The following GRIN2D variants were observed in gnomAD, a reference collection of about 807,000 sequenced individuals.
The protein encoded by GRIN2D is glutamate ionotropic receptor NMDA type subunit 2D, also known as glutamate receptor ionotropic, NMDA 2D.
In GRIN2D, 37 loss-of-function variants were observed where a neutral mutation model predicts 103.2. That is an observed-to-expected ratio of 0.36 (90% CI 0.28 to 0.47). GRIN2D has a LOEUF of 0.47. Ranked by LOEUF, GRIN2D falls within the 20% of genes least tolerant of loss-of-function variation. The pLI, the probability that GRIN2D is intolerant of heterozygous loss-of-function variation, is 1.00. For synonymous variants in GRIN2D, 845 were observed against 885.6 expected (o/e 0.95, Z 0.81); for missense variants, 1,557 against 1,910.6 (o/e 0.81, Z 3.45).
At position 48,441,975 on chromosome 19, in the gene GRIN2D, A is replaced by G; in HGVS notation, c.2440+19A>G. 6.3e-7 allele frequency: 1 copy of G among 1,593,302 alleles called. No homozygotes were observed. On this transcript the variant is annotated intron_variant, in intron 12 of 13. Coordinates refer to ENST00000263269, the MANE Select transcript of GRIN2D (RefSeq NM_000836.4). Reference sequence around the variant, plus strand: ...GGGGATGGTGCGGCTGCACACAGGGATTTCCACAGCGGAGAGGGGGAGGGC... The same window carrying G: ...GGGGATGGTGCGGCTGCACACAGGGGTTTCCACAGCGGAGAGGGGGAGGGC...
intron 11 of GRIN2D, among the ~76,000 whole-genome samples, chr19:48,441,037 T>C (rs1221847260): frequency 6.6e-6 from 1 of 152,060 alleles, no homozygotes; most frequent in Non-Finnish European, 1.5e-5. Flanking sequence ...TTTGGAGGGC[T>C]ATGGTGAGGA....
intron 3 of GRIN2D, among the ~76,000 whole-genome samples, chr19:48,403,962 A>T (rs1444087976): frequency 6.6e-6 from 1 of 152,190 alleles, no homozygotes; most frequent in Non-Finnish European, 1.5e-5. Flanking sequence ...AATCCAGGCC[A>T]GGCACAGTGG....
chr19:48,414,737 C>T lies in GRIN2D; in HGVS notation c.1413-127C>T, dbSNP rs759896624. ...AGGCAAACCTCAGAATTCTTTGAGC[C>T]TGAGTTTCCCCTGAAAGCGCTAACC... is the stretch of plus-strand genomic sequence containing the variant. On this transcript the variant is annotated intron_variant, in intron 6 of 13. Coordinates refer to ENST00000263269, the MANE Select transcript of GRIN2D (RefSeq NM_000836.4). The surrounding 1 kb of genome is among the most constrained non-coding windows in gnomAD (Gnocchi z 4.6). 4 of 1,298,844 alleles carry T rather than the reference C, an allele frequency of 3.1e-6. No individual in the cohort carries two copies. Among genetic ancestry groups the T allele is most frequent in the Non-Finnish European group, 4.3e-6 (4 of 935,932 alleles). 80.5% of individuals were successfully genotyped at this position (1,298,844 alleles called of 1,614,324 possible). A position where few individuals can be genotyped will look rare whatever the true frequency, so the allele number is the denominator to read the frequency against.
chr19:48,422,085 T>G, intron 11 of GRIN2D, 140 bp downstream of exon 11: 1 of 739,736 alleles, frequency 1.4e-6, no homozygotes, highest in Admixed American at 3.0e-5. Flanking sequence ...CGGAGGTCAC[T>G]GAGGGTGGAA....
chr19:48,443,900 G>A lies in GRIN2D; in HGVS notation c.3974G>A (p.Gly1325Asp), dbSNP rs1971345151. ...HRGGDLGTRR[G>D]SAHFSSLESE... ...GGCGGGGACCTGGGCACCCGCAGGGGCTCGGCGCACTTCTCTAGCCTCGAG... is the reference window on the plus strand; with the variant it reads ...GGCGGGGACCTGGGCACCCGCAGGGACTCGGCGCACTTCTCTAGCCTCGAG... The change falls in exon 14 of 14, where the codon GGC becomes GAC. Residue 1325 changes from glycine to aspartate, a missense_variant. Gly to Asp is a moderately conservative substitution (Grantham distance 94, BLOSUM62 -1). Around this residue, in one of 7 missense-constraint regions of GRIN2D, gnomAD observed 88 missense variants for 84.3 expected, o/e 1.04. Transcript: ENST00000263269. The surrounding 1 kb of genome is among the most constrained non-coding windows in gnomAD (Gnocchi z 8.9). 4.8e-6 allele frequency: 7 copies of A among 1,460,748 alleles called. No homozygotes were observed. In the African/African-American group the frequency reaches 1.0e-4, roughly 22 times the overall value. 90.5% of individuals were successfully genotyped at this position (1,460,748 alleles called of 1,614,324 possible).
At chr19:48,412,559 G>A (rs569771081) in intron 4 of GRIN2D, among the ~76,000 whole-genome samples, 15 of 150,712 alleles carry the variant, frequency 1.0e-4, no homozygotes, top group East Asian at 2.0e-4. Context: ...AGGCTGAGGC[G>A]GGCGGATCAC....
At chr19:48,400,868 C>T (rs1340602488) in intron 3 of GRIN2D, among the ~76,000 whole-genome samples, 1 of 152,124 alleles carries the variant, frequency 6.6e-6, no homozygotes, top group East Asian at 1.9e-4. Flanking sequence ...GAGTTTGAGG[C>T]CAGCCTGGCC....
intron 11 of GRIN2D, among the ~76,000 whole-genome samples, chr19:48,440,198 T>C (rs1971274826): frequency 6.7e-6 from 1 of 150,352 alleles, no homozygotes; most frequent in Non-Finnish European, 1.5e-5. Context: ...GGGACAAGAG[T>C]GAAACTCGGT....
At chr19:48,438,123 C>T (rs939509540) in intron 11 of GRIN2D, among the ~76,000 whole-genome samples, 7 of 152,014 alleles carry the variant, frequency 4.6e-5, no homozygotes, top group Non-Finnish European at 7.4e-5. Context: ...CACACACACA[C>T]GGCATTTATA....
Position 48,414,397 on chromosome 19 carries a change from C to A in GRIN2D, c.1225C>A (p.Leu409Ile). The change falls in exon 6 of 14, where the codon CTC becomes ATC. Residue 409 changes from leucine (L) to isoleucine (I), a missense_variant. Leu to Ile is a conservative substitution (Grantham distance 5, BLOSUM62 2). Around this residue, in one of 7 missense-constraint regions of GRIN2D, gnomAD observed 490 missense variants for 601.1 expected, o/e 0.82. Transcript: ENST00000263269. This position sits in a 1 kb window ranked among gnomAD's most constrained non-coding sequence, Gnocchi z 4.6. ...GGTGGGCAGCTGGGAGCAGCAGACG[C>A]TCCGCCTCAAGTACCCGCTGTGGTC... ...EVVGSWEQQTLRLKYPLWSRY... is the reference protein window; with the variant it reads ...EVVGSWEQQTIRLKYPLWSRY... The A allele has an allele frequency of 6.2e-7, 1 of 1,608,600 alleles. No individual in the cohort carries two copies. The highest frequency in any genetic ancestry group is 8.5e-7 in the Non-Finnish European group (1 of 1,178,180).
In GRIN2D at chr19:48,442,181, C is replaced by G. The variant is rs758581128; in HGVS notation, c.2472C>G (p.Leu824=). The part of the protein sequence containing the change: ...DEIEMLERLW[L]SGICHNDKIE... The stretch of plus-strand genomic sequence containing the variant: ...TCGAGATGCTGGAGCGGCTGTGGCT[C>G]TCTGGGATCTGCCACAATGACAAAA... Residue 824 remains leucine, a synonymous_variant, in exon 13 of 14, where the codon CTC becomes CTG. Coordinates refer to ENST00000263269, the MANE Select transcript of GRIN2D (RefSeq NM_000836.4). This position sits in a 1 kb window ranked among gnomAD's most constrained non-coding sequence, Gnocchi z 7.2. 2 of 1,614,064 alleles carry G rather than the reference C, an allele frequency of 1.2e-6. No individual in the cohort carries two copies. The highest frequency in any genetic ancestry group is 1.7e-6 in the Non-Finnish European group (2 of 1,180,026).
At chr19:48,429,741 A>G (rs1971134161) in intron 11 of GRIN2D, among the ~76,000 whole-genome samples, 1 of 135,304 alleles carries the variant, frequency 7.4e-6, no homozygotes, top group African/African-American at 3.0e-5. Flanking sequence ...GTGTGTGTGT[A>G]GAGATGGGGT....
chr19:48,442,299 G>A lies in GRIN2D; in HGVS notation c.2590G>A (p.Ala864Thr), dbSNP rs1215418953. 1.2e-6 allele frequency: 2 copies of A among 1,613,952 alleles called. No homozygotes were observed. The highest frequency in any genetic ancestry group is 1.3e-5 in the African/African-American group (1 of 74,914). The part of the protein sequence containing the change: ...VAMGLSLLVF[A>T]WEHLVYWRLR... ...CATGGGCCTGTCCCTGCTGGTCTTC[G>A]CCTGGGAGCACCTGGTGTACTGGCG... The change falls in exon 13 of 14, where the codon GCC becomes ACC. Residue 864 changes from alanine to threonine, a missense_variant. Coordinates refer to ENST00000263269, the MANE Select transcript of GRIN2D (RefSeq NM_000836.4). This position sits in a 1 kb window ranked among gnomAD's most constrained non-coding sequence, Gnocchi z 7.2.
At chr19:48,422,387 C>T (rs558078583) in intron 11 of GRIN2D, among the ~76,000 whole-genome samples, 7 of 152,066 alleles carry the variant, frequency 4.6e-5, no homozygotes, top group African/African-American at 1.2e-4. Flanking sequence ...CCAAGGCAGG[C>T]GGATCACAAG....
rs1171243305 is a variant in GRIN2D at position 48,444,448 on chromosome 19, C to T, written c.*511C>T. The T allele has an allele frequency of 6.5e-6, 1 of 152,968 alleles. No individual in the cohort carries two copies. Among genetic ancestry groups the T allele is most frequent in the Non-Finnish European group, 1.5e-5 (1 of 68,562 alleles). 9.5% of individuals were successfully genotyped at this position (152,968 alleles called of 1,614,324 possible). ...CTGACCCAGACTGTGACATCCGACT[C>T]CTAAAATGGTCATCCGACTCCAGAC... On this transcript the variant is annotated 3_prime_UTR_variant, in exon 14 of 14. Coordinates refer to ENST00000263269, the MANE Select transcript of GRIN2D (RefSeq NM_000836.4). This position sits in a 1 kb window ranked among gnomAD's most constrained non-coding sequence, Gnocchi z 5.5.
chr19:48,397,261 T>G (rs1465565601), intron 2 of GRIN2D, among the ~76,000 whole-genome samples: 1 of 152,094 alleles, frequency 6.6e-6, no homozygotes, highest in Non-Finnish European at 1.5e-5. Context: ...GGATTTTCTC[T>G]CCTTGGGGTG....
At chr19:48,437,269 C>T (rs763649507) in intron 11 of GRIN2D, among the ~76,000 whole-genome samples, 41 of 152,000 alleles carry the variant, frequency 2.7e-4, no homozygotes, top group Non-Finnish European at 5.3e-4. Flanking sequence ...GACAGGCATG[C>T]ACCACCAAAC....
At chr19:48,395,529 C>T (rs10424366) in intron 2 of GRIN2D, among the ~76,000 whole-genome samples, 9,030 of 151,820 alleles carry the variant, frequency 0.059, 559 homozygotes, top group African/African-American at 0.16. Flanking sequence ...GGGGAGGAAA[C>T]GGGATGCCGT....
intron 11 of GRIN2D, among the ~76,000 whole-genome samples, chr19:48,424,966 T>A (rs1971070270): frequency 6.6e-6 from 1 of 152,040 alleles, no homozygotes; most frequent in African/African-American, 2.4e-5. Context: ...CTTCTTCCGT[T>A]TTCTTCTCGC....
Sources: allele counts gnomAD v4.1 joint callset (sites outside exome capture counted in the v4.1 genomes callset), GRCh38; gene constraint gnomAD v4.1.1; regional missense constraint gnomAD v4.1.1; non-coding constraint Gnocchi (gnomAD v3.1); transcripts MANE v1.5; gene names NCBI Gene and HGNC (gene_info 2026-07-23, HGNC 2026-07-21).